EDAR: variants seen among roughly 807,000 people sequenced by gnomAD.
EDAR encodes ectodysplasin A receptor, also known as tumor necrosis factor receptor superfamily member EDAR.
In EDAR, 38 loss-of-function variants were observed where a neutral mutation model predicts 51.3. That is an observed-to-expected ratio of 0.74 (90% CI 0.57 to 0.97). The LOEUF is 0.97. EDAR is among the 50% of genes least tolerant of loss of function. EDAR has a pLI of 0.00. For synonymous variants in EDAR, 227 were observed against 242.1 expected (o/e 0.94, Z 0.58); for missense variants, 528 against 595.0 (o/e 0.89, Z 1.17).
At chr2:108,941,215 A>C (rs1237759984) in intron 1 of EDAR, among the ~76,000 whole-genome samples, 1 of 152,138 alleles carries the variant, frequency 6.6e-6, no homozygotes, top group Non-Finnish European at 1.5e-5. Flanking sequence ...CGTAAACCAC[A>C]ATGTTTCTCC....
chr2:108,910,361 G>A, intron 9 of EDAR, 99 bp downstream of exon 9: 4 of 980,184 alleles, frequency 4.1e-6, no homozygotes, highest in South Asian at 2.7e-5. Flanking sequence ...TAGTGTCCCA[G>A]GCTAGCCTGT....
intron 1 of EDAR, among the ~76,000 whole-genome samples, chr2:108,981,776 C>T (rs1241161855): frequency 2.6e-5 from 4 of 152,198 alleles, no homozygotes; most frequent in Non-Finnish European, 5.9e-5. Context: ...ATGAACTTAC[C>T]AGGAGGGAGG....
At chr2:108,962,218 G>A (rs560866823) in intron 1 of EDAR, among the ~76,000 whole-genome samples, 3 of 152,280 alleles carry the variant, frequency 2.0e-5, no homozygotes, top group East Asian at 1.9e-4. Context: ...TGAGATGCTC[G>A]GACGCTCTCA....
At chr2:108,946,550 G>T (rs1008842212) in intron 1 of EDAR, among the ~76,000 whole-genome samples, 2 of 152,186 alleles carry the variant, frequency 1.3e-5, no homozygotes, top group African/African-American at 4.8e-5. Flanking sequence ...TATAAAGACT[G>T]GGTAACTTAT....
At chr2:108,903,391 T>G (rs2105383651) in intron 11 of EDAR, among the ~76,000 whole-genome samples, 1 of 152,058 alleles carries the variant, frequency 6.6e-6, no homozygotes, top group Admixed American at 6.5e-5. Flanking sequence ...AAGATTATTA[T>G]AAAACTTATA....
At chr2:108,982,729 G>A (rs1400081288) in intron 1 of EDAR, among the ~76,000 whole-genome samples, 1 of 152,146 alleles carries the variant, frequency 6.6e-6, no homozygotes, top group African/African-American at 2.4e-5. Flanking sequence ...TTGGTCTCCT[G>A]GTTTTTAGAA....
At chr2:108,905,963 A>G (rs1406872042) in intron 11 of EDAR, among the ~76,000 whole-genome samples, 1 of 152,108 alleles carries the variant, frequency 6.6e-6, no homozygotes, top group Non-Finnish European at 1.5e-5. Context: ...TTCCCAGATG[A>G]TGATGCCAGT....
chr2:108,903,234 T>C (rs1210841415), intron 11 of EDAR, among the ~76,000 whole-genome samples: 1 of 151,904 alleles, frequency 6.6e-6, no homozygotes. Context: ...TGAAAAAAAA[T>C]TAAAGTTGTG....
intron 4 of EDAR, among the ~76,000 whole-genome samples, chr2:108,926,671 C>T (rs1309695613): frequency 6.6e-6 from 1 of 152,220 alleles, no homozygotes; most frequent in Admixed American, 6.5e-5. Context: ...GGTCCTCCCA[C>T]ACAACCTCTC....
intron 1 of EDAR, among the ~76,000 whole-genome samples, chr2:108,964,933 A>G (rs1698120254): frequency 6.6e-6 from 1 of 152,212 alleles, no homozygotes; most frequent in South Asian, 2.1e-4. Context: ...CATTCTAATT[A>G]AATCCTATAA....
At chr2:108,976,709 T>C (rs908353338) in intron 1 of EDAR, among the ~76,000 whole-genome samples, 1 of 152,214 alleles carries the variant, frequency 6.6e-6, no homozygotes, top group Non-Finnish European at 1.5e-5. Context: ...AATATTACAT[T>C]ATTTATTTTG....
At chr2:108,958,340 C>G (rs996451389) in intron 1 of EDAR, among the ~76,000 whole-genome samples, 1 of 151,924 alleles carries the variant, frequency 6.6e-6, no homozygotes, top group African/African-American at 2.4e-5. Context: ...ACCACATAAT[C>G]TAAGATAAAT....
intron 1 of EDAR, among the ~76,000 whole-genome samples, chr2:108,935,683 G>A (rs180844469): frequency 1.0e-3 from 153 of 152,146 alleles, no homozygotes; most frequent in Non-Finnish European, 1.6e-3. Flanking sequence ...ACTAGACACC[G>A]ATTCCCTTAA....
In EDAR at chr2:108,960,966, G is replaced by A. The variant is rs545125691; in HGVS notation, c.-19+27994C>T. Reference sequence around the variant, plus strand: ...TCACTATTATAATGAACGCCACAACGTACATAAAAGACACAGTGGATAGAC... The same window carrying A: ...TCACTATTATAATGAACGCCACAACATACATAAAAGACACAGTGGATAGAC... On this transcript the variant is annotated intron_variant, in intron 1 of 11. Coordinates refer to ENST00000258443, the MANE Select transcript of EDAR (RefSeq NM_022336.4). Among the ~76,000 whole-genome samples the A allele has an allele frequency of 7.9e-5, 12 of 152,272 alleles. No individual in the cohort carries two copies. The East Asian group carries it at 1.5e-3, about 20-fold the overall frequency.
intron 2 of EDAR, 117 bp from the exon 3 acceptor site, chr2:108,930,359 G>A (rs1697343767): frequency 1.8e-6 from 2 of 1,137,314 alleles, no homozygotes; most frequent in African/African-American, 3.1e-5. Flanking sequence ...CTCTGCTGGG[G>A]GCTCGGTCTG....
At chr2:108,900,373 C>T (rs1400248161) in intron 11 of EDAR, among the ~76,000 whole-genome samples, 2 of 151,976 alleles carry the variant, frequency 1.3e-5, no homozygotes, top group East Asian at 1.9e-4. Flanking sequence ...CTGGTCAACA[C>T]GGTGAAACCC....
chr2:108,899,673 A>G (rs10178421), intron 11 of EDAR, among the ~76,000 whole-genome samples: 21,629 of 152,174 alleles, frequency 0.14, 2,645 homozygotes, highest in African/African-American at 0.33. Flanking sequence ...TTTATACTTC[A>G]TTCAAACTGG....
chr2:108,937,561 T>G (rs1015224036), intron 1 of EDAR, among the ~76,000 whole-genome samples: 4 of 144,732 alleles, frequency 2.8e-5, no homozygotes, highest in Admixed American at 2.7e-4. Flanking sequence ...GAATGTTATG[T>G]GTGTGTGTAT....
rs2105371602 is a variant in EDAR at position 108,897,084 on chromosome 2, G to T, written c.1170C>A (p.Gly390=). 6.2e-7 allele frequency: 1 copy of T among 1,614,154 alleles called. No homozygotes were observed. The highest frequency in any genetic ancestry group is 1.1e-5 in the South Asian group (1 of 91,074). ...CAAAGAGTTGCATGCCGTCTGTCATGCCCCCAATCTCATCCCTCTTCAGGC... is the reference window on the plus strand; with the variant it reads ...CAAAGAGTTGCATGCCGTCTGTCATTCCCCCAATCTCATCCCTCTTCAGGC... The part of the protein sequence containing the change: ...SFGLKRDEIG[G]MTDGMQLFDR... Residue 390 remains glycine (G), a synonymous_variant, in exon 12 of 12, where the codon GGC becomes GGA. Transcript: ENST00000258443.
Sources: allele counts gnomAD v4.1 joint callset (sites outside exome capture counted in the v4.1 genomes callset), GRCh38; gene constraint gnomAD v4.1.1; transcripts MANE v1.5; gene names NCBI Gene and HGNC (gene_info 2026-07-23, HGNC 2026-07-21).